The following TRMT11 variants were observed in gnomAD, a reference collection of about 807,000 sequenced individuals.
TRMT11 encodes tRNA methyltransferase 11, also known as tRNA (guanine(10)-N(2))-methyltransferase TRMT11.
A neutral mutation model predicts 62.8 loss-of-function variants in TRMT11; 53 were observed. The ratio of observed to expected loss-of-function variants is 0.84; its 90% CI spans 0.68 to 1.06. TRMT11 has a LOEUF of 1.06. Among genes scored for constraint, TRMT11 ranks in the 50% least tolerant of loss-of-function variants. TRMT11 has a pLI of 0.00. For synonymous variants in TRMT11, 188 were observed against 190.3 expected (o/e 0.99, Z 0.10); for missense variants, 556 against 553.4 (o/e 1.00, Z -0.05).
At chr6:125,990,901 G>A (rs949227549) in intron 1 of TRMT11, among the ~76,000 whole-genome samples, 1 of 152,112 alleles carries the variant, frequency 6.6e-6, no homozygotes, top group Non-Finnish European at 1.5e-5. Context: ...TAAGATAAAT[G>A]TGTGTGTATT....
At chr6:126,131,213 A>T (rs956048090) in intron 21 of TRMT11, among the ~76,000 whole-genome samples, 26 of 152,046 alleles carry the variant, frequency 1.7e-4, no homozygotes, top group African/African-American at 6.0e-4. Context: ...GAAATATAAG[A>T]ATTATTTTAT....
chr6:126,059,839 A>G (rs775315861), intron 17 of TRMT11, among the ~76,000 whole-genome samples: 2 of 152,184 alleles, frequency 1.3e-5, no homozygotes, highest in African/African-American at 2.4e-5. Flanking sequence ...TGGCCCATTC[A>G]TCTCAATGTC....
chr6:126,186,351 A>G (rs1022524228), intron 1 of TRMT11, among the ~76,000 whole-genome samples: 1 of 152,130 alleles, frequency 6.6e-6, no homozygotes, highest in African/African-American at 2.4e-5. Context: ...AATTATGGAA[A>G]CACCTTGCTT....
At chr6:126,147,481 GACA>G (rs1466721185) in intron 21 of TRMT11, among the ~76,000 whole-genome samples, 4 of 152,150 alleles carry the variant, frequency 2.6e-5, no homozygotes, top group African/African-American at 4.8e-5. Context: ...TATTCCTAGA[GACA>G]ACATCAAATT....
At chr6:126,185,804 G>A (rs1414240785) in intron 1 of TRMT11, among the ~76,000 whole-genome samples, 1 of 152,108 alleles carries the variant, frequency 6.6e-6, no homozygotes, top group Non-Finnish European at 1.5e-5. Context: ...CAATCATGGT[G>A]GAAGGCACCT....
chr6:126,178,130 C>G (rs192310596), intron 1 of TRMT11, among the ~76,000 whole-genome samples: 1 of 152,252 alleles, frequency 6.6e-6, no homozygotes, highest in African/African-American at 2.4e-5. Flanking sequence ...TGGAATAGTG[C>G]TTTTATTTAG....
intron 21 of TRMT11, among the ~76,000 whole-genome samples, chr6:126,148,107 A>G (rs1777995222): frequency 6.6e-6 from 1 of 152,188 alleles, no homozygotes. Context: ...AAGAGGTTAA[A>G]TTAAATAATA....
intron 17 of TRMT11, among the ~76,000 whole-genome samples, chr6:126,088,827 A>C (rs1010652878): frequency 2.6e-5 from 4 of 152,216 alleles, no homozygotes; most frequent in Non-Finnish European, 4.4e-5. Context: ...TTATATACTT[A>C]AAGGGAAAAA....
intron 17 of TRMT11, among the ~76,000 whole-genome samples, chr6:126,091,406 T>C (rs1216129789): frequency 6.6e-6 from 1 of 152,178 alleles, no homozygotes; most frequent in Non-Finnish European, 1.5e-5. Flanking sequence ...TGTCGAGCTG[T>C]AGCCAATCCA....
intron 21 of TRMT11, among the ~76,000 whole-genome samples, chr6:126,137,028 A>C (rs893136583): frequency 4.6e-5 from 7 of 151,844 alleles, no homozygotes; most frequent in Non-Finnish European, 4.4e-5. Flanking sequence ...ATCTGAAACT[A>C]TAAAACTAGT....
chr6:126,079,602 AC>A (rs1209885194), intron 17 of TRMT11, among the ~76,000 whole-genome samples: 1 of 152,112 alleles, frequency 6.6e-6, no homozygotes, highest in Non-Finnish European at 1.5e-5. Context: ...CTGAAAAACT[AC>A]CTATTGAGTA....
At chr6:126,108,643 ACATTAATTTATAGTT>A (rs1180722038) in intron 17 of TRMT11, among the ~76,000 whole-genome samples, 2 of 152,336 alleles carry the variant, frequency 1.3e-5, no homozygotes, top group African/African-American at 4.8e-5. Flanking sequence ...CTTCTCTAGA[ACATTAATTTATAGTT>A]CATTGAATGT....
chr6:126,247,879 G>A, the TRMT11 span, among the ~76,000 whole-genome samples: 2 of 151,914 alleles, frequency 1.3e-5, no homozygotes, highest in South Asian at 4.1e-4. Flanking sequence ...TTAGCCACAT[G>A]CATCTTCAGC....
At chr6:126,180,060 C>T (rs190412063) in intron 1 of TRMT11, among the ~76,000 whole-genome samples, 28 of 151,580 alleles carry the variant, frequency 1.8e-4, no homozygotes, top group Middle Eastern at 7.0e-3. Context: ...GAATATGCTA[C>T]GTGATAAAGG....
upstream of TRMT11, among the ~76,000 whole-genome samples, chr6:126,175,136 C>T (rs1398599814): frequency 6.6e-6 from 1 of 152,124 alleles, no homozygotes; most frequent in Admixed American, 6.6e-5. Context: ...TGTGTCTGTC[C>T]ACTCTACTGT....
At chr6:126,160,275 T>C (rs979314638) in intron 21 of TRMT11, among the ~76,000 whole-genome samples, 5 of 152,350 alleles carry the variant, frequency 3.3e-5, no homozygotes, top group African/African-American at 9.6e-5. Context: ...GGGAGACTTA[T>C]TACTGAAGCC....
chr6:126,018,596 C>T (rs1229448753), intron 11 of TRMT11, among the ~76,000 whole-genome samples: 1 of 151,522 alleles, frequency 6.6e-6, no homozygotes, highest in Non-Finnish European at 1.5e-5. Context: ...GAACATTTTC[C>T]TCACCCCCGA....
intron 7 of TRMT11, among the ~76,000 whole-genome samples, chr6:126,000,037 G>A (rs1430008937): frequency 6.6e-6 from 1 of 152,178 alleles, no homozygotes. Context: ...TGTATATGTG[G>A]ATGGAGAAAA....
At chr6:126,261,742 C>A in the TRMT11 span, among the ~76,000 whole-genome samples, 1 of 152,096 alleles carries the variant, frequency 6.6e-6, no homozygotes, top group Non-Finnish European at 1.5e-5. Context: ...GTCTAGGCTG[C>A]ATGAGTTTAT....
Sources: gnomAD v4.1 joint callset for allele counts (sites outside exome capture counted in the v4.1 genomes callset) on GRCh38, gnomAD v4.1.1 for gene constraint, MANE v1.5 for transcripts, NCBI Gene and HGNC (gene_info 2026-07-23, HGNC 2026-07-21) for gene names.